The following VPS54 variants were observed in gnomAD, a reference collection of about 807,000 sequenced individuals.
The protein encoded by VPS54 is VPS54 subunit of GARP complex.
In VPS54, 45 loss-of-function variants were observed where a neutral mutation model predicts 121.5. The ratio of observed to expected loss-of-function variants is 0.37; its 90% CI spans 0.29 to 0.47. The LOEUF is 0.47. Ranked by LOEUF, VPS54 falls within the 20% of genes least tolerant of loss-of-function variation. The pLI, the probability that VPS54 is intolerant of heterozygous loss-of-function variation, is 0.99. For missense variants in VPS54, 1,090 were observed against 1,131.4 expected (o/e 0.96, Z 0.52); for synonymous variants, 371 against 385.8 (o/e 0.96, Z 0.45).
chr2:63,958,940 G>A (rs774983305), intron 7 of VPS54, among the ~76,000 whole-genome samples: 1 of 152,106 alleles, frequency 6.6e-6, no homozygotes, highest in African/African-American at 2.4e-5. Flanking sequence ...AGACAAAAAC[G>A]TGTGAAATTC....
chr2:63,973,552 G>A (rs572618033), intron 3 of VPS54, among the ~76,000 whole-genome samples: 33 of 151,786 alleles, frequency 2.2e-4, no homozygotes, highest in Non-Finnish European at 4.1e-4. Flanking sequence ...TTTATTTTTG[G>A]TACCAGTCCC....
At position 64,010,322 on chromosome 2, in the gene VPS54, A is replaced by G. The variant is rs10460567; in HGVS notation, c.-21+8616T>C. Among the ~76,000 whole-genome samples the G allele has an allele frequency of 4.3e-3, 648 of 152,298 alleles. 15 individuals carry two copies. Among genetic ancestry groups the G allele is most frequent in the East Asian group, 0.033 (170 of 5,194 alleles). On this transcript the variant is annotated intron_variant, in intron 1 of 22. Transcript: ENST00000272322. Reference sequence around the variant, plus strand: ...CCACAACTGACTGCTGTTTTTTTAAAAGCAAACAAAAAAATCTCAAATTTC... The same window carrying G: ...CCACAACTGACTGCTGTTTTTTTAAGAGCAAACAAAAAAATCTCAAATTTC...
chr2:63,940,550 G>A (rs1674673737), intron 11 of VPS54, among the ~76,000 whole-genome samples: 2 of 152,096 alleles, frequency 1.3e-5, no homozygotes, highest in Admixed American at 1.3e-4. Context: ...AACTTTAAGT[G>A]AAACCACGTA....
At chr2:63,969,877 G>T (rs1346296833) in intron 4 of VPS54, among the ~76,000 whole-genome samples, 2 of 151,976 alleles carry the variant, frequency 1.3e-5, no homozygotes, top group African/African-American at 2.4e-5. Flanking sequence ...TTGTTTAAAA[G>T]ATCTATCATC....
At chr2:63,977,200 T>C (rs1676583383) in intron 3 of VPS54, among the ~76,000 whole-genome samples, 1 of 152,214 alleles carries the variant, frequency 6.6e-6, no homozygotes, top group Admixed American at 6.5e-5. Flanking sequence ...TTTGCTTTTG[T>C]TGATTTTCTC....
chr2:63,911,882 A>G (rs1673164659), intron 20 of VPS54, among the ~76,000 whole-genome samples: 1 of 152,198 alleles, frequency 6.6e-6, no homozygotes, highest in Non-Finnish European at 1.5e-5. Flanking sequence ...TGACTAAATG[A>G]TATTTTTCTG....
chr2:64,013,516 T>C (rs561526043), intron 1 of VPS54, among the ~76,000 whole-genome samples: 6 of 150,708 alleles, frequency 4.0e-5, no homozygotes, highest in South Asian at 2.1e-4. Context: ...GTATAGAGTA[T>C]ACATCAAATA....
In VPS54 at chr2:63,997,878, A is replaced by AT. The variant is rs766751245; in HGVS notation, c.-20-13860dup. On this transcript the variant is annotated intron_variant, in intron 1 of 22. Transcript: ENST00000272322. ...TATCATTTTTGCTGTATCCTCATAG[A>AT]TTTTGGTATGTCATGTTTCCATTAT... Among the ~76,000 whole-genome samples the AT allele has an allele frequency of 6.1e-4, 92 of 151,768 alleles. 5 individuals are homozygous for AT. The highest frequency in any genetic ancestry group is 3.3e-4 in the Admixed American group (5 of 15,224).
intron 5 of VPS54, among the ~76,000 whole-genome samples, chr2:63,968,607 T>G (rs1676123134): frequency 6.6e-6 from 1 of 151,978 alleles, no homozygotes; most frequent in African/African-American, 2.4e-5. Context: ...TAATCCCAGC[T>G]ACTCAGGATG....
intron 20 of VPS54, among the ~76,000 whole-genome samples, chr2:63,902,303 C>T (rs1395918022): frequency 6.6e-6 from 1 of 152,122 alleles, no homozygotes; most frequent in African/African-American, 2.4e-5. Flanking sequence ...GAGAAAAACC[C>T]TCTAACAACA....
At position 63,947,454 on chromosome 2, in the gene VPS54, G is replaced by T; in HGVS notation, c.1174C>A (p.Gln392Lys). The change falls in exon 9 of 23, where the codon CAA becomes AAA. Residue 392 changes from glutamine (Q) to lysine (K), a missense_variant. This residue lies in a region of VPS54 where 801 missense variants were observed against 757.0 expected (regional missense o/e 1.06). Transcript: ENST00000272322. ...ATTTCTAAAAAATTAAGCTTTCTTT[G>T]TTTTAAAAGTCCAAATACAAGAGAT... ...LISLVFGLLK[Q>K]RKLNFLEIYG... 6.5e-7 allele frequency: 1 copy of T among 1,541,462 alleles called. No homozygotes were observed. Among genetic ancestry groups the T allele is most frequent in the South Asian group, 1.1e-5 (1 of 87,846 alleles).
intron 20 of VPS54, among the ~76,000 whole-genome samples, chr2:63,904,166 G>A (rs865966892): frequency 4.6e-5 from 7 of 152,082 alleles, no homozygotes; most frequent in Non-Finnish European, 7.3e-5. Context: ...CAGGCCGGAC[G>A]TGGTGGCTCA....
At chr2:63,899,301 T>A (rs998367592) in intron 21 of VPS54, among the ~76,000 whole-genome samples, 173 bp downstream of exon 21, 3 of 152,158 alleles carry the variant, frequency 2.0e-5, no homozygotes, top group Non-Finnish European at 2.9e-5. Context: ...AAGGAGCACT[T>A]AGAAATTAGA....
At chr2:64,016,125 G>A (rs1678678233) in intron 1 of VPS54, among the ~76,000 whole-genome samples, 10 of 152,170 alleles carry the variant, frequency 6.6e-5, no homozygotes, top group Admixed American at 6.5e-4. Flanking sequence ...CAGGAAGTAA[G>A]CTGATGACCT....
At chr2:63,939,830 G>T (rs1398166203) in intron 11 of VPS54, among the ~76,000 whole-genome samples, 1 of 151,140 alleles carries the variant, frequency 6.6e-6, no homozygotes, top group African/African-American at 2.4e-5. Context: ...GCACCATCTT[G>T]GCTCACTGCA....
chr2:64,018,401 T>C (rs1425351701), intron 1 of VPS54, among the ~76,000 whole-genome samples: 1 of 152,180 alleles, frequency 6.6e-6, no homozygotes, highest in African/African-American at 2.4e-5. Flanking sequence ...GGGCCTGCCC[T>C]TTCTGTCTAT....
intron 9 of VPS54, among the ~76,000 whole-genome samples, chr2:63,945,050 G>A (rs1406372112): frequency 6.6e-6 from 1 of 152,054 alleles, no homozygotes; most frequent in Non-Finnish European, 1.5e-5. Flanking sequence ...CATACCCAGA[G>A]GAATAAAAAT....
chr2:63,903,780 TTTAAAGA>T (rs1672787315), intron 20 of VPS54, among the ~76,000 whole-genome samples: 2 of 152,044 alleles, frequency 1.3e-5, no homozygotes, highest in Admixed American at 1.3e-4. Context: ...GTACACCAAC[TTTAAAGA>T]TTAAACAAAA....
intron 20 of VPS54, among the ~76,000 whole-genome samples, chr2:63,900,667 C>T (rs897675432): frequency 4.6e-5 from 7 of 152,100 alleles, no homozygotes; most frequent in Non-Finnish European, 7.3e-5. Context: ...CCCGAGCTGC[C>T]CACCTGAGGT....
Sources: allele counts gnomAD v4.1 joint callset (sites outside exome capture counted in the v4.1 genomes callset), GRCh38; gene constraint gnomAD v4.1.1; regional missense constraint gnomAD v4.1.1; transcripts MANE v1.5; gene names NCBI Gene and HGNC (gene_info 2026-07-23, HGNC 2026-07-21).